Variants in PGM5 observed in about 807,000 individuals in gnomAD.
PGM5 encodes the protein phosphoglucomutase 5, also known as phosphoglucomutase-like protein 5.
A neutral mutation model predicts 59.2 loss-of-function variants in PGM5; 23 were observed. The observed-to-expected ratio is 0.39, with a 90% CI of 0.28 to 0.55. PGM5 has a LOEUF of 0.55. Among genes scored for constraint, PGM5 ranks in the 20% least tolerant of loss-of-function variants. The pLI, the probability that PGM5 is intolerant of heterozygous loss-of-function variation, is 0.66. For missense variants in PGM5, 574 were observed against 748.3 expected (o/e 0.77, Z 2.72); for synonymous variants, 214 against 286.0 (o/e 0.75, Z 2.54).
chr9:68,527,688 C>G (rs562120248), intron 10 of PGM5, among the ~76,000 whole-genome samples: 1 of 152,246 alleles, frequency 6.6e-6, no homozygotes, highest in East Asian at 1.9e-4. Context: ...AGGAAAGTGC[C>G]ACTTTCTTGT....
intron 6 of PGM5, among the ~76,000 whole-genome samples, chr9:68,428,142 A>G (rs1231772898): frequency 6.6e-6 from 1 of 152,236 alleles, no homozygotes; most frequent in East Asian, 1.9e-4. Context: ...ACTTATAAAC[A>G]GATGAAACTC....
chr9:68,466,264 C>CTG (rs34965444), intron 7 of PGM5: 630 of 883,456 alleles, frequency 7.1e-4, no homozygotes, highest in African/African-American at 2.6e-3. Context: ...TTCTCCGATA[C>CTG]TGTGTGTTTT....
chr9:68,410,844 T>A (rs1263063091), intron 6 of PGM5, among the ~76,000 whole-genome samples: 4 of 152,212 alleles, frequency 2.6e-5, no homozygotes, highest in Admixed American at 6.5e-5. Flanking sequence ...AAGGAAAAAG[T>A]TACATCTCGT....
chr9:68,434,264 C>T (rs1823405391), intron 6 of PGM5, among the ~76,000 whole-genome samples: 1 of 138,566 alleles, frequency 7.2e-6, no homozygotes, highest in Non-Finnish European at 1.5e-5. Flanking sequence ...TTGCAGTGAG[C>T]CAAGATTGTG....
At chr9:68,434,833 A>T (rs531544099) in intron 6 of PGM5, among the ~76,000 whole-genome samples, 1 of 152,336 alleles carries the variant, frequency 6.6e-6, no homozygotes, top group African/African-American at 2.4e-5. Context: ...GGTCCTGACT[A>T]GAGTGACTAC....
chr9:68,410,927 G>T lies in PGM5; in HGVS notation c.1043+18454G>T, dbSNP rs782811138. ...CTCAGCAATGTCTTCAAGGAACCAG[G>T]TTCTATCATTCTCAGGATGTGGTCT... On this transcript the variant is annotated intron_variant, in intron 6 of 10. Coordinates refer to ENST00000396396, the MANE Select transcript of PGM5 (RefSeq NM_021965.4). Among the ~76,000 whole-genome samples, 3 of 152,204 alleles carry T rather than the reference G, an allele frequency of 2.0e-5. No individual in the cohort carries two copies. In the South Asian group the frequency reaches 6.2e-4, roughly 31 times the overall value.
At chr9:68,476,615 T>TCTG (rs1349931369) in intron 7 of PGM5, among the ~76,000 whole-genome samples, 2 of 152,200 alleles carry the variant, frequency 1.3e-5, no homozygotes, top group African/African-American at 4.8e-5. Flanking sequence ...AGTGGAAACA[T>TCTG]CTGTGTAATT....
chr9:68,413,269 G>T (rs1465352979), intron 6 of PGM5, among the ~76,000 whole-genome samples: 2 of 151,918 alleles, frequency 1.3e-5, no homozygotes, highest in African/African-American at 4.8e-5. Flanking sequence ...CCTCAATTAC[G>T]AGTGTAACAG....
At chr9:68,479,889 C>G (rs904093927) in intron 8 of PGM5, among the ~76,000 whole-genome samples, 40 of 149,490 alleles carry the variant, frequency 2.7e-4, no homozygotes, top group Admixed American at 5.3e-4. Flanking sequence ...CGCCACTGCA[C>G]TCCAGCCTGG....
At chr9:68,438,203 C>T (rs1239419761) in intron 6 of PGM5, among the ~76,000 whole-genome samples, 3 of 147,374 alleles carry the variant, frequency 2.0e-5, no homozygotes, top group East Asian at 2.0e-4. Context: ...GCAGGACAAT[C>T]GCTTGAACCC....
intron 10 of PGM5, among the ~76,000 whole-genome samples, chr9:68,510,660 G>A (rs1554689302): frequency 6.6e-6 from 1 of 152,180 alleles, no homozygotes; most frequent in African/African-American, 2.4e-5. Flanking sequence ...AATCGTTTTA[G>A]AGGTTTACTT....
rs1554675824 is a variant in PGM5, at chr9:68,357,361, C to T, written c.234C>T (p.Ile78=). The T allele has an allele frequency of 6.4e-7, 1 of 1,561,842 alleles. No individual in the cohort carries two copies. Among genetic ancestry groups the T allele is most frequent in the African/African-American group, 1.4e-5 (1 of 73,526 alleles). The change falls in exon 1 of 11, where the codon ATC becomes ATT. Residue 78 remains isoleucine (I), a synonymous_variant. Transcript: ENST00000396396. ...GRYFSRTAIE[I]VVQMAAANGI... is the part of the protein sequence containing the mutation. ...ACTTTAGCAGGACGGCCATCGAGATCGTGGTGCAGATGGCCGCGGCCAACG... is the reference window on the plus strand; with the variant it reads ...ACTTTAGCAGGACGGCCATCGAGATTGTGGTGCAGATGGCCGCGGCCAACG...
At chr9:68,438,900 C>G (rs1273612369) in intron 6 of PGM5, among the ~76,000 whole-genome samples, 1 of 152,060 alleles carries the variant, frequency 6.6e-6, no homozygotes, top group Non-Finnish European at 1.5e-5. Flanking sequence ...CTTCTTTACT[C>G]TCTGTGCCAT....
intron 6 of PGM5, among the ~76,000 whole-genome samples, chr9:68,414,805 T>G: frequency 7.3e-6 from 1 of 137,780 alleles, no homozygotes; most frequent in Admixed American, 7.3e-5. Context: ...ATTTGAAGAG[T>G]GCATTGAAGG....
Position 68,530,970 on chromosome 9 carries a change from G to A in PGM5, c.*1314G>A, listed in dbSNP as rs1825071733. 6.6e-6 allele frequency: 1 copy of A among 152,196 alleles called. No individual in the cohort carries two copies. Among genetic ancestry groups the A allele is most frequent in the Non-Finnish European group, 1.5e-5 (1 of 68,038 alleles). The allele number at this position is 152,196 out of a possible 1,614,324, so 9.4% of individuals were successfully genotyped here. A position where few individuals can be genotyped will look rare whatever the true frequency, so the allele number is the denominator to read the frequency against. ...CAAGCAAGGAAACATTCCCAGTAAG[G>A]TATTTGTTTCCATTTTCTGTCTGTG... On this transcript the variant is annotated 3_prime_UTR_variant, in exon 11 of 11. Transcript: ENST00000396396.
At chr9:68,434,401 G>A (rs558431217) in intron 6 of PGM5, among the ~76,000 whole-genome samples, 25 of 151,318 alleles carry the variant, frequency 1.7e-4, no homozygotes, top group Non-Finnish European at 2.4e-4. Context: ...CAGCAATACA[G>A]ATATGGTTGA....
rs532636216 is a variant in PGM5, at chr9:68,372,417, G to A, written c.262-5782G>A. On this transcript the variant is annotated intron_variant, in intron 1 of 10. Transcript: ENST00000396396. ...GTAAGGACAAAGTGCTGCATCTTCC[G>A]TGATGGAAGTGGCCCAAATTAACCA... is the stretch of plus-strand genomic sequence containing the variant. Among the ~76,000 whole-genome samples, 53 of 151,940 alleles carry A rather than the reference G, an allele frequency of 3.5e-4. 1 individual carries two copies. Among genetic ancestry groups the A allele is most frequent in the African/African-American group, 2.2e-4 (9 of 41,344 alleles).
chr9:68,358,941 A>T (rs1252107690), intron 1 of PGM5, among the ~76,000 whole-genome samples: 2 of 152,130 alleles, frequency 1.3e-5, no homozygotes, highest in Non-Finnish European at 1.5e-5. Context: ...GAGGTTGACA[A>T]ATGGTCTTTC....
At chr9:68,442,021 A>G (rs1223573640) in intron 6 of PGM5, among the ~76,000 whole-genome samples, 1 of 152,210 alleles carries the variant, frequency 6.6e-6, no homozygotes, top group African/African-American at 2.4e-5. Flanking sequence ...TGCATACATG[A>G]TCGATATGCT....
Sources: gnomAD v4.1 joint callset for allele counts (sites outside exome capture counted in the v4.1 genomes callset) on GRCh38, gnomAD v4.1.1 for gene constraint, MANE v1.5 for transcripts, NCBI Gene and HGNC (gene_info 2026-07-23, HGNC 2026-07-21) for gene names.